IL32: variants seen among roughly 807,000 people sequenced by gnomAD.
The protein encoded by IL32 is interleukin 32.
A neutral mutation model predicts 16.6 loss-of-function variants in IL32; 30 were observed. The ratio of observed to expected loss-of-function variants is 1.81; its 90% CI spans 1.35 to 2.45. IL32 has a LOEUF of 2.45. Among genes scored for constraint, IL32 ranks in the 30% most tolerant of loss-of-function variants. IL32 has a pLI of 0.00. For synonymous variants in IL32, 70 were observed against 86.1 expected, an observed-to-expected ratio of 0.81 and a Z score of 1.03; for missense variants, 234 against 229.8, an observed-to-expected ratio of 1.02 and a Z score of -0.12.
chr16:3,067,841 C>A, intron 4 of IL32, 143 bp from the exon 5 acceptor site: 1 of 1,007,770 alleles, frequency 9.9e-7, no homozygotes, highest in Non-Finnish European at 1.5e-6. Flanking sequence ...GAGGAAACAA[C>A]AGGGGTGCCA....
At chr16:3,066,538 C>A (rs187236216) in intron 2 of IL32, among the ~76,000 whole-genome samples, 22 of 152,216 alleles carry the variant, frequency 1.4e-4, no homozygotes, top group African/African-American at 5.1e-4. Context: ...AGGCATGTCA[C>A]CCCCGAGACT....
In IL32 at chr16:3,065,822, C is replaced by G. The variant is rs755307247; in HGVS notation, c.11C>G (p.Pro4Arg). The G allele has an allele frequency of 2.5e-6, 4 of 1,614,086 alleles. No individual in the cohort carries two copies. The South Asian group carries it at 3.3e-5, about 13-fold the overall frequency. ...GAACTTTTGGCCGCCATGTGCTTCC[C>G]GAAGGTGAGTGAGAGGCTGCGTGTG... Reference protein sequence around the residue: MCFPKVLSDDMKKL... With the variant: MCFRKVLSDDMKKL... The change falls in exon 2 of 7, where the codon CCG (proline) becomes CGG (arginine). Residue 4 changes from proline to arginine, a missense_variant. Physicochemically the swap from Pro to Arg is moderately radical, Grantham distance 103. This residue lies in a region of IL32 where 137 missense variants were observed against 80.7 expected (regional missense o/e 1.70). Coordinates refer to ENST00000525643, the MANE Select transcript of IL32 (RefSeq NM_001376923.1).
At chr16:3,065,572 C>T, upstream of IL32, 7 of 618,796 alleles carry the variant, frequency 1.1e-5, no homozygotes, top group Non-Finnish European at 2.0e-5. Flanking sequence ...AGGCCTCCTG[C>T]CCTGAGAGAG....
Position 3,065,810 on chromosome 16 carries a change from C to T in IL32, c.-2C>T. 1 of 1,614,128 alleles carries T rather than the reference C, an allele frequency of 6.2e-7. No individual in the cohort carries two copies. The highest frequency in any genetic ancestry group is 2.2e-5 in the East Asian group (1 of 44,886). ...CCTTGGCTCCTTGAACTTTTGGCCG[C>T]CATGTGCTTCCCGAAGGTGAGTGAG... is the stretch of plus-strand genomic sequence containing the variant. On this transcript the variant is annotated 5_prime_UTR_variant, in exon 2 of 7. Coordinates refer to ENST00000525643, the MANE Select transcript of IL32 (RefSeq NM_001376923.1).
intron 1 of IL32, 45 bp downstream of exon 1, chr16:3,065,732 G>T (rs1956239176): frequency 6.4e-7 from 1 of 1,558,816 alleles, no homozygotes; most frequent in Non-Finnish European, 8.9e-7. Flanking sequence ...CTGGGGAGGA[G>T]GGTGCTTCTC....
At chr16:3,067,356 G>C in intron 2 of IL32, 21 bp from the exon 3 acceptor site, 6 of 1,445,560 alleles carry the variant, frequency 4.2e-6, no homozygotes, top group Non-Finnish European at 5.6e-6. Context: ...TGGAGACTGA[G>C]TGTCACCGTT....
In IL32 at chr16:3,065,766, C is replaced by A. The variant is rs1432069698; in HGVS notation, c.-28-18C>A. ...TCTGAGACACTTTCTTTTCCTCACA[C>A]CTGTTCCTCGCCAGCAGGCCTTGGC... On this transcript the variant is annotated intron_variant, in intron 1 of 6. Coordinates refer to ENST00000525643, the MANE Select transcript of IL32 (RefSeq NM_001376923.1). 1.2e-6 allele frequency: 2 copies of A among 1,613,628 alleles called. No individual in the cohort carries two copies. The highest frequency in any genetic ancestry group is 1.3e-5 in the African/African-American group (1 of 74,904).
intron 4 of IL32, 174 bp from the exon 5 acceptor site, chr16:3,067,810 A>G (rs1245139596): frequency 1.2e-6 from 1 of 849,336 alleles, no homozygotes; most frequent in Non-Finnish European, 1.9e-6. Flanking sequence ...TGAGGGAGGC[A>G]TCCAAGCCCC....
At chr16:3,067,307 G>C in intron 2 of IL32, 70 bp from the exon 3 acceptor site, 2 of 726,838 alleles carry the variant, frequency 2.8e-6, no homozygotes, top group East Asian at 2.5e-5. Flanking sequence ...GTGTGTGTGT[G>C]TGTATAAATT....
At chr16:3,068,545 T>C in intron 6 of IL32, 1 of 430,508 alleles carries the variant, frequency 2.3e-6, no homozygotes, top group Non-Finnish European at 4.3e-6. Flanking sequence ...ACTCCTAACC[T>C]TGTGTTCCGT....
chr16:3,067,871 G>T lies in IL32; in HGVS notation c.115-113G>T, dbSNP rs533424084. The T allele has an allele frequency of 2.3e-6, 3 of 1,297,490 alleles. No homozygotes were observed. The African/African-American group carries it at 4.4e-5, about 19-fold the overall frequency. 80.4% of individuals were successfully genotyped at this position (1,297,490 alleles called of 1,614,324 possible). A position where few individuals can be genotyped will look rare whatever the true frequency, so the allele number is the denominator to read the frequency against. On this transcript the variant is annotated intron_variant, in intron 4 of 6. Coordinates refer to ENST00000525643, the MANE Select transcript of IL32 (RefSeq NM_001376923.1). ...GTGCCAGACGTGGCCCGGGCCCCTGGCTGGGCCCAGTTCGGGGTGTGTGGG... is the reference window on the plus strand; with the variant it reads ...GTGCCAGACGTGGCCCGGGCCCCTGTCTGGGCCCAGTTCGGGGTGTGTGGG...
intron 4 of IL32, 26 bp from the exon 5 acceptor site, chr16:3,067,958 G>C (rs778979645): frequency 6.2e-7 from 1 of 1,613,878 alleles, no homozygotes; most frequent in African/African-American, 1.3e-5. Flanking sequence ...GCTTGGGCCT[G>C]GAACCGAGTG....
chr16:3,068,656 C>A (rs867739044), intron 6 of IL32: 2 of 430,982 alleles, frequency 4.6e-6, no homozygotes, highest in Non-Finnish European at 8.6e-6. Flanking sequence ...TGTGCCCAGC[C>A]CCTGAGCTTG....
rs1956259302 is a variant in IL32, at chr16:3,065,938, C to T, written c.15+112C>T. 17 of 1,263,594 alleles carry T rather than the reference C, an allele frequency of 1.3e-5. No homozygotes were observed. The Middle Eastern group carries it at 5.6e-4, about 42-fold the overall frequency. 78.3% of individuals were successfully genotyped at this position (1,263,594 alleles called of 1,614,324 possible). A position where few individuals can be genotyped will look rare whatever the true frequency, so the allele number is the denominator to read the frequency against. ...CTGTGTGTCAGGGCTCAGTCAGGGG[C>T]ACCCAGCGGCAGGAGGATAGTGATG... On this transcript the variant is annotated intron_variant, in intron 2 of 6. Coordinates refer to ENST00000525643, the MANE Select transcript of IL32 (RefSeq NM_001376923.1).
chr16:3,069,345 C>T lies in IL32; in HGVS notation c.557C>T (p.Ser186Phe), dbSNP rs746055082. Reference sequence around the variant, plus strand: ...CCCCAGAAGTGCTCTGAACCCCAATCCTCAAAATGAAGATACTGACACCAC... The same window carrying T: ...CCCCAGAAGTGCTCTGAACCCCAATTCTCAAAATGAAGATACTGACACCAC... ...LTPQKCSEPQSSK is the reference protein window; with the variant it reads ...LTPQKCSEPQFSK Residue 186 changes from serine to phenylalanine, a missense_variant, in exon 7 of 7, where the codon TCC becomes TTC. Physicochemically the swap from Ser to Phe is radical, Grantham distance 155 (BLOSUM62 -2). Around this residue, in one of 3 missense-constraint regions of IL32, gnomAD observed 53 missense variants for 46.1 expected, o/e 1.15. Transcript: ENST00000525643. 3.8e-6 allele frequency: 6 copies of T among 1,591,372 alleles called. No homozygotes were observed. The highest frequency in any genetic ancestry group is 1.1e-5 in the South Asian group (1 of 88,478).
intron 3 of IL32, 37 bp from the exon 4 acceptor site, chr16:3,067,517 T>C: frequency 6.2e-7 from 1 of 1,613,992 alleles, no homozygotes; most frequent in East Asian, 2.2e-5. Context: ...GGGACAAGGA[T>C]CCGGCCCTTT....
rs1006386862 is a variant in IL32, at chr16:3,067,629, C to T, written c.114+16C>T. ...ACGTGGACAGGTGGGTGGATTTCCC[C>T]TCAGGCACCAGGTCACATGTCCCCG... On this transcript the variant is annotated intron_variant, in intron 4 of 6. Transcript: ENST00000525643. 2 of 1,579,552 alleles carry T rather than the reference C, an allele frequency of 1.3e-6. No individual in the cohort carries two copies. The highest frequency in any genetic ancestry group is 2.7e-5 in the African/African-American group (2 of 74,302).
At chr16:3,067,912 G>A (rs1377575581) in intron 4 of IL32, 72 bp from the exon 5 acceptor site, 21 of 1,558,058 alleles carry the variant, frequency 1.3e-5, no homozygotes, top group Non-Finnish European at 1.8e-5. Context: ...AGGACTCACT[G>A]GGCTTGAGGA....
At position 3,069,243 on chromosome 16, in the gene IL32, G is replaced by T. The variant is rs768591207; in HGVS notation, c.455G>T (p.Cys152Phe). ...CTCTGGAAACAGTTCCAGAGTTTCT[G>T]CTGCTCTCTGTCAGAGCTCTTCATG... ...QALWKQFQSF[C>F]CSLSELFMSS... is the part of the protein sequence containing the mutation. The change falls in exon 7 of 7, where the codon TGC becomes TTC. Residue 152 changes from cysteine to phenylalanine, a missense_variant. By Grantham distance (205) the Cys-to-Phe change is radical. Transcript: ENST00000525643. 3 of 1,614,076 alleles carry T rather than the reference G, an allele frequency of 1.9e-6. No individual in the cohort carries two copies. The highest frequency in any genetic ancestry group is 2.2e-5 in the East Asian group (1 of 44,892).
Sources: gnomAD v4.1 joint callset for allele counts (sites outside exome capture counted in the v4.1 genomes callset) on GRCh38, gnomAD v4.1.1 for gene constraint, gnomAD v4.1.1 regional missense constraint, MANE v1.5 for transcripts, NCBI Gene and HGNC (gene_info 2026-07-23, HGNC 2026-07-21) for gene names.